Variants in ZNF57 observed in about 807,000 individuals in gnomAD.
The protein encoded by ZNF57 is zinc finger protein 57, also known as zinc finger protein 424.
A neutral mutation model predicts 13.4 loss-of-function variants in ZNF57; 11 were observed. That is an observed-to-expected ratio of 0.82 (90% confidence interval 0.52 to 1.36). The LOEUF (loss-of-function observed/expected upper bound fraction) is 1.36, where lower values mean the gene tolerates loss of function less well. Among genes scored for constraint, ZNF57 ranks in the 40% most tolerant of loss-of-function variants. The pLI, the probability that ZNF57 is intolerant of heterozygous loss-of-function variation, is 0.00. For synonymous variants in ZNF57, 224 were observed against 238.5 expected (o/e 0.94, Z 0.56); for missense variants, 696 against 667.5 (o/e 1.04, Z -0.47).
Position 2,917,649 on chromosome 19 carries a change from A to G in ZNF57, c.1028A>G (p.Lys343Arg). ...DKLYKCEHCGKAFTSSRSFQG... is the reference protein window; with the variant it reads ...DKLYKCEHCGRAFTSSRSFQG... ...CTCTATAAATGTGAACACTGTGGGA[A>G]GGCTTTTACCTCTTCCAGATCATTC... Residue 343 changes from lysine (K) to arginine (R), a missense_variant, in exon 4 of 4, where the codon AAG (lysine) becomes AGG (arginine). This residue lies in a region of ZNF57 where 645 missense variants were observed against 591.5 expected (regional missense o/e 1.09). Coordinates refer to ENST00000306908, the MANE Select transcript of ZNF57 (RefSeq NM_173480.3). The G allele has an allele frequency of 6.2e-7, 1 of 1,613,828 alleles. No individual in the cohort carries two copies. The highest frequency in any genetic ancestry group is 1.1e-5 in the South Asian group (1 of 91,048).
chr19:2,905,915 G>T (rs11084971), intron 1 of ZNF57, among the ~76,000 whole-genome samples: 121,737 of 152,100 alleles, frequency 0.8, 49,550 homozygotes, highest in Non-Finnish European at 0.88. Context: ...GGATGTAATG[G>T]AATTGTATTC....
intron 1 of ZNF57, among the ~76,000 whole-genome samples, chr19:2,902,988 C>T (rs941259545): frequency 2.6e-5 from 4 of 152,196 alleles, no homozygotes; most frequent in Admixed American, 2.6e-4. Flanking sequence ...GTTGAGCCTG[C>T]ACTGGAGGCC....
rs1191685976 is a variant in ZNF57 at position 2,910,361 on chromosome 19, T to C, written c.4-5161T>C. Among the ~76,000 whole-genome samples the C allele has an allele frequency of 4.2e-5, 2 of 47,626 alleles. 1 individual carries two copies. The highest frequency in any genetic ancestry group is 1.4e-4 in the Non-Finnish European group (2 of 14,600). 31.2% of individuals were successfully genotyped at this position (47,626 alleles called of 152,430 possible). ...GACAAGAATGTGTTTTCTGCTGTTGTTGAAGTTGTCTACAGACATTCATCA... is the reference window on the plus strand; with the variant it reads ...GACAAGAATGTGTTTTCTGCTGTTGCTGAAGTTGTCTACAGACATTCATCA... On this transcript the variant is annotated intron_variant, in intron 1 of 3. Coordinates refer to ENST00000306908, the MANE Select transcript of ZNF57 (RefSeq NM_173480.3).
At chr19:2,909,128 C>T (rs572455090) in intron 1 of ZNF57, among the ~76,000 whole-genome samples, 1 of 152,070 alleles carries the variant, frequency 6.6e-6, no homozygotes, top group South Asian at 2.1e-4. Context: ...CACCTTTTGG[C>T]TATTGTGAAT....
In ZNF57 at chr19:2,915,740, T is replaced by G. The variant is rs2043336; in HGVS notation, c.130+92T>G. The G allele has an allele frequency of 3.1e-6, 5 of 1,590,188 alleles. No individual in the cohort carries two copies. The South Asian group carries it at 5.5e-5, about 18-fold the overall frequency. On this transcript the variant is annotated intron_variant, in intron 2 of 3. Transcript: ENST00000306908. Reference sequence around the variant, plus strand: ...CAAGATGTGAAATGTGGGAAAGGACTAAGACAGACATGTTCACAGCCACCA... The same window carrying G: ...CAAGATGTGAAATGTGGGAAAGGACGAAGACAGACATGTTCACAGCCACCA...
intron 1 of ZNF57, among the ~76,000 whole-genome samples, chr19:2,906,798 C>G (rs1308654435): frequency 1.3e-5 from 2 of 152,158 alleles, no homozygotes; most frequent in Non-Finnish European, 2.9e-5. Flanking sequence ...AGTATCATTT[C>G]CATTTCAGGA....
At chr19:2,913,359 T>C (rs1424389995) in intron 1 of ZNF57, among the ~76,000 whole-genome samples, 1 of 152,240 alleles carries the variant, frequency 6.6e-6, no homozygotes, top group Non-Finnish European at 1.5e-5. Context: ...TATTATTTCC[T>C]TACTCCTAAT....
chr19:2,901,587 C>G (rs1460864079), intron 1 of ZNF57, among the ~76,000 whole-genome samples: 1 of 151,976 alleles, frequency 6.6e-6, no homozygotes, highest in African/African-American at 2.4e-5. Flanking sequence ...GTGGCGTGAT[C>G]TCGGCTCACT....
chr19:2,916,651 G>A (rs2088200969), intron 3 of ZNF57: 1 of 272,660 alleles, frequency 3.7e-6, no homozygotes, highest in African/African-American at 2.2e-5. Flanking sequence ...GGGAGGCAGA[G>A]CTTGCAGTGA....
Position 2,916,280 on chromosome 19 carries a change from G to T in ZNF57, c.302+31G>T, listed in dbSNP as rs756039835. The stretch of plus-strand genomic sequence containing the variant: ...TTGCACTCACAAGAGAAAAATCCTT[G>T]TATGCAATTAAATATATATCTAAGT... On this transcript the variant is annotated intron_variant, in intron 3 of 3. Transcript: ENST00000306908. 3.2e-6 allele frequency: 5 copies of T among 1,551,018 alleles called. No individual in the cohort carries two copies. In the African/African-American group the frequency reaches 5.5e-5, roughly 17 times the overall value.
chr19:2,918,145 A>G lies in ZNF57; in HGVS notation c.1524A>G (p.Gln508=). Residue 508 remains glutamine (Q), a synonymous_variant, in exon 4 of 4, where the codon CAA becomes CAG. Transcript: ENST00000306908. ...GAGAGAAACCTCACAAATGTAAACA[A>G]TGTGGGATGTCCTTCAAGTGGCACT... ...HTGEKPHKCK[Q]CGMSFKWHSS... is the part of the protein sequence containing the mutation. 1.9e-6 allele frequency: 3 copies of G among 1,614,220 alleles called. No homozygotes were observed. Among genetic ancestry groups the G allele is most frequent in the Non-Finnish European group, 1.7e-6 (2 of 1,180,044 alleles).
intron 1 of ZNF57, among the ~76,000 whole-genome samples, chr19:2,913,907 C>T (rs1383511145): frequency 6.6e-6 from 1 of 152,158 alleles, no homozygotes; most frequent in Admixed American, 6.5e-5. Context: ...TCCCAAAATC[C>T]TGGGATTACA....
intron 1 of ZNF57, among the ~76,000 whole-genome samples, chr19:2,901,717 C>G (rs1422519876): frequency 2.0e-5 from 3 of 152,068 alleles, no homozygotes; most frequent in Non-Finnish European, 2.9e-5. Flanking sequence ...CAGGGTTTCA[C>G]CATGTTGGCC....
chr19:2,918,082 G>GT lies in ZNF57; in HGVS notation c.1462dup (p.Ser488PhefsTer6), dbSNP rs2088231061. 2 of 1,614,028 alleles carry GT rather than the reference G, an allele frequency of 1.2e-6. No homozygotes were observed. Among genetic ancestry groups the GT allele is most frequent in the Non-Finnish European group, 1.7e-6 (2 of 1,179,982 alleles). On this transcript the variant is annotated frameshift_variant, in exon 4 of 4. Coordinates refer to ENST00000306908, the MANE Select transcript of ZNF57 (RefSeq NM_173480.3). LOFTEE classifies it low-confidence loss of function (END_TRUNC). ...AACAATGTGGAAAAACCTTCACTTG[G>GT]TCCTCAACCTTACATAATCATGTGA...
At chr19:2,915,216 AG>A (rs1265665163) in intron 1 of ZNF57, 1 of 233,638 alleles carries the variant, frequency 4.3e-6, no homozygotes, top group Non-Finnish European at 8.6e-6. Context: ...TGGACAACCG[AG>A]GCCTGCTGCG....
chr19:2,918,444 C>CT lies in ZNF57; in HGVS notation c.*158dup, dbSNP rs1410086418. 1.3e-6 allele frequency: 1 copy of CT among 796,282 alleles called. No individual in the cohort carries two copies. The allele number at this position is 796,282 out of a possible 1,614,324, so 49.3% of individuals were successfully genotyped here. A position where few individuals can be genotyped will look rare whatever the true frequency, so the allele number is the denominator to read the frequency against. On this transcript the variant is annotated 3_prime_UTR_variant, in exon 4 of 4. Transcript: ENST00000306908. The stretch of plus-strand genomic sequence containing the variant: ...ACCCATTAGTCGTGAATTTCCAGCT[C>CT]TTTCAAAAATAAATGTTTATGTGAG...
chr19:2,903,665 C>T (rs1383428080), intron 1 of ZNF57, among the ~76,000 whole-genome samples: 1 of 152,086 alleles, frequency 6.6e-6, no homozygotes, highest in Non-Finnish European at 1.5e-5. Context: ...TTCTCTCTAC[C>T]TTTACCATTT....
In ZNF57 at chr19:2,917,870, G is replaced by GAGA. The variant is rs1294542259; in HGVS notation, c.1252_1254dup (p.Lys418dup). The stretch of plus-strand genomic sequence containing the variant: ...AGGTCATTTGAGGACGCACACTGGA[G>GAGA]AGAAGCCTTATGAGTGTAAACAATG... On this transcript the variant is annotated inframe_insertion, in exon 4 of 4. Coordinates refer to ENST00000306908, the MANE Select transcript of ZNF57 (RefSeq NM_173480.3). 1 of 1,612,004 alleles carries GAGA rather than the reference G, an allele frequency of 6.2e-7. No individual in the cohort carries two copies. The highest frequency in any genetic ancestry group is 8.5e-7 in the Non-Finnish European group (1 of 1,179,224).
At position 2,917,496 on chromosome 19, in the gene ZNF57, C is replaced by T. The variant is rs149956507; in HGVS notation, c.875C>T (p.Pro292Leu). 3.1e-4 allele frequency: 500 copies of T among 1,613,582 alleles called. No individual in the cohort carries two copies. The highest frequency in any genetic ancestry group is 3.9e-4 in the Non-Finnish European group (464 of 1,179,820). The change falls in exon 4 of 4, where the codon CCC becomes CTC. Residue 292 changes from proline to leucine, a missense_variant. By Grantham distance (98) the Pro-to-Leu change is moderately conservative (BLOSUM62 -3). Transcript: ENST00000306908. ...CQHCGKAFTY[P>L]QAFQRHEKTH... is the part of the protein sequence containing the mutation. ...CACTGTGGGAAAGCCTTCACTTACC[C>T]CCAGGCTTTTCAAAGACATGAGAAG...
Sources: gnomAD v4.1 joint callset for allele counts (sites outside exome capture counted in the v4.1 genomes callset) on GRCh38, gnomAD v4.1.1 for gene constraint, gnomAD v4.1.1 regional missense constraint, MANE v1.5 for transcripts, NCBI Gene and HGNC (gene_info 2026-07-23, HGNC 2026-07-21) for gene names.